The following NCF2 variants were observed in gnomAD, a reference collection of about 807,000 sequenced individuals.
The protein encoded by NCF2 is neutrophil cytosolic factor 2.
NCF2 carries 45 observed loss-of-function variants against 70.9 expected under a neutral mutation model. That is an observed-to-expected ratio of 0.63 (90% CI 0.50 to 0.81). NCF2 has a LOEUF of 0.81. Among genes scored for constraint, NCF2 ranks in the 40% least tolerant of loss-of-function variants. The pLI is 0.00. For missense variants in NCF2, 522 were observed against 631.6 expected, an observed-to-expected ratio of 0.83 and a Z score of 1.86; for synonymous variants, 203 against 233.6, an observed-to-expected ratio of 0.87 and a Z score of 1.19.
At chr1:183,566,639 T>C (rs962357303) in intron 9 of NCF2, among the ~76,000 whole-genome samples, 4 of 152,164 alleles carry the variant, frequency 2.6e-5, no homozygotes, top group African/African-American at 9.7e-5. Context: ...ACTCATATAC[T>C]GTAGGCTTTG....
At chr1:183,578,415 T>C (rs1672903390) in intron 2 of NCF2, among the ~76,000 whole-genome samples, 1 of 152,054 alleles carries the variant, frequency 6.6e-6, no homozygotes, top group South Asian at 2.1e-4. Context: ...TGGAGTGCAG[T>C]GGTGGGATTT....
intron 6 of NCF2, among the ~76,000 whole-genome samples, chr1:183,569,865 TA>T (rs1231162686): frequency 5.9e-5 from 9 of 152,288 alleles, no homozygotes; most frequent in African/African-American, 2.2e-4. Context: ...GGTGGGATTA[TA>T]GGCGTGAGCC....
At chr1:183,585,394 G>A (rs1673296621) in intron 2 of NCF2, among the ~76,000 whole-genome samples, 1 of 152,150 alleles carries the variant, frequency 6.6e-6, no homozygotes, top group Non-Finnish European at 1.5e-5. Context: ...GGGAGGCCGA[G>A]GCGGGTGGAT....
chr1:183,600,285 T>C, the NCF2 span, among the ~76,000 whole-genome samples: 2 of 152,214 alleles, frequency 1.3e-5, no homozygotes, highest in African/African-American at 2.4e-5. Flanking sequence ...GCAAGCTCAG[T>C]ATGAGTCAAC....
intron 13 of NCF2, 110 bp from the exon 14 acceptor site, chr1:183,560,383 T>C: frequency 4.7e-6 from 6 of 1,275,240 alleles, no homozygotes; most frequent in Non-Finnish European, 6.8e-6. Context: ...TATAAACTCA[T>C]AAAGTTTGTG....
At chr1:183,565,391 CT>C (rs1672256193) in intron 10 of NCF2, among the ~76,000 whole-genome samples, 1 of 152,214 alleles carries the variant, frequency 6.6e-6, no homozygotes, top group Non-Finnish European at 1.5e-5. Flanking sequence ...GTTACTTCAA[CT>C]TTTCTTCCTG....
At chr1:183,575,167 C>T in intron 3 of NCF2, among the ~76,000 whole-genome samples, 1 of 152,190 alleles carries the variant, frequency 6.6e-6, no homozygotes, top group East Asian at 1.9e-4. Flanking sequence ...ATGTGAGTAA[C>T]AAGACTAATG....
At position 183,569,189 on chromosome 1, in the gene NCF2, T is replaced by G. The variant is rs777409864; in HGVS notation, c.670-4A>C. ...GTCTGGGTGGAGGCTCAGCTGCCTA[T>G]TGAACATTCAGGAGAAGTGAAAACG... On this transcript the variant is annotated splice_polypyrimidine_tract_variant and splice_region_variant and intron_variant, in intron 6 of 14. Coordinates refer to ENST00000367535, the MANE Select transcript of NCF2 (RefSeq NM_000433.4). 1 of 1,614,080 alleles carries G rather than the reference T, an allele frequency of 6.2e-7. No individual in the cohort carries two copies. Among genetic ancestry groups the G allele is most frequent in the Non-Finnish European group, 8.5e-7 (1 of 1,179,936 alleles).
chr1:183,561,127 A>C (rs1401269593), intron 13 of NCF2, among the ~76,000 whole-genome samples: 1 of 152,256 alleles, frequency 6.6e-6, no homozygotes, highest in Non-Finnish European at 1.5e-5. Flanking sequence ...TCTTAGACTT[A>C]TGATCTTAGA....
chr1:183,599,489 CTTT>C, the NCF2 span, among the ~76,000 whole-genome samples: 10 of 110,972 alleles, frequency 9.0e-5, no homozygotes, highest in African/African-American at 3.6e-4. Flanking sequence ...TTTCTCTTTT[CTTT>C]CTTTCTCTTT....
intron 5 of NCF2, 76 bp from the exon 6 acceptor site, chr1:183,570,915 G>A: frequency 1.4e-6 from 2 of 1,432,146 alleles, no homozygotes; most frequent in Non-Finnish European, 2.0e-6. Flanking sequence ...CTTTGCTCAT[G>A]CCCTAGACCT....
intron 2 of NCF2, among the ~76,000 whole-genome samples, chr1:183,581,428 G>A (rs1440499435): frequency 6.6e-6 from 1 of 151,574 alleles, no homozygotes; most frequent in African/African-American, 2.4e-5. Context: ...GAGCCCAGGA[G>A]TTTGAGGCCA....
At chr1:183,577,571 T>G in intron 3 of NCF2, 28 bp downstream of exon 3, 1 of 1,533,854 alleles carries the variant, frequency 6.5e-7, no homozygotes, top group Non-Finnish European at 9.0e-7. Flanking sequence ...GATCCCCTCC[T>G]GCCCAGGCCA....
At chr1:183,599,303 C>A in the NCF2 span, among the ~76,000 whole-genome samples, 1 of 152,116 alleles carries the variant, frequency 6.6e-6, no homozygotes, top group Non-Finnish European at 1.5e-5. Flanking sequence ...ATTGCTTGAG[C>A]CCAGGAGTTT....
chr1:183,564,603 G>A (rs1012235276), intron 10 of NCF2, among the ~76,000 whole-genome samples: 1 of 152,142 alleles, frequency 6.6e-6, no homozygotes, highest in South Asian at 2.1e-4. Context: ...CACATGGGAA[G>A]TTTTTTTCTA....
At chr1:183,566,831 C>T (rs1390267453) in intron 9 of NCF2, 89 bp downstream of exon 9, 5 of 1,533,844 alleles carry the variant, frequency 3.3e-6, no homozygotes, top group Non-Finnish European at 4.5e-6. Context: ...GGGGTCCTGA[C>T]AACACCTCTT....
At chr1:183,570,912 C>T (rs747647949) in intron 5 of NCF2, 73 bp from the exon 6 acceptor site, 11 of 1,475,740 alleles carry the variant, frequency 7.5e-6, no homozygotes, top group Non-Finnish European at 9.5e-6. Context: ...CCTCTTTGCT[C>T]ATGCCCTAGA....
intron 8 of NCF2, 87 bp from the exon 9 acceptor site, chr1:183,567,075 G>C (rs1672334078): frequency 1.9e-6 from 3 of 1,607,226 alleles, no homozygotes; most frequent in Non-Finnish European, 2.6e-6. Context: ...AGAGTCCTGG[G>C]GAAGGGATGA....
chr1:183,592,332 C>A (rs1211146865), upstream of NCF2, among the ~76,000 whole-genome samples: 1 of 152,228 alleles, frequency 6.6e-6, no homozygotes, highest in Non-Finnish European at 1.5e-5. Context: ...AACTCCTACT[C>A]ATCTTTCAAA....
Sources: gnomAD v4.1 joint callset for allele counts (sites outside exome capture counted in the v4.1 genomes callset) on GRCh38, gnomAD v4.1.1 for gene constraint, MANE v1.5 for transcripts, NCBI Gene and HGNC (gene_info 2026-07-23, HGNC 2026-07-21) for gene names.